NELL2: variants seen among roughly 807,000 people sequenced by gnomAD.
NELL2 encodes protein kinase C-binding protein NELL2.
NELL2 carries 41 observed loss-of-function variants against 109.6 expected under a neutral mutation model. The ratio of observed to expected loss-of-function variants is 0.37; its 90% CI spans 0.29 to 0.49. NELL2 has a LOEUF of 0.49. Ranked by LOEUF, NELL2 falls within the 20% of genes least tolerant of loss-of-function variation. The probability of loss-of-function intolerance (pLI) is 0.98; values close to 1 mark genes in which losing one functional copy is unlikely to be tolerated. For synonymous variants in NELL2, 355 were observed against 344.7 expected, an observed-to-expected ratio of 1.03 and a Z score of -0.33; for missense variants, 900 against 1,008.3, an observed-to-expected ratio of 0.89 and a Z score of 1.45.
Position 44,665,535 on chromosome 12 carries a change from TA to T in NELL2, c.1392del (p.Phe464LeufsTer314). 1 of 1,613,652 alleles carries T rather than the reference TA, an allele frequency of 6.2e-7. No individual in the cohort carries two copies. Among genetic ancestry groups the T allele is most frequent in the Non-Finnish European group, 8.5e-7 (1 of 1,179,560 alleles). On this transcript the variant is annotated frameshift_variant, in exon 13 of 20. Transcript: ENST00000429094. LOFTEE classifies it high-confidence loss of function. ...ATGTATCCAGTTTTGCAGATGCACATAAAAGAACCCGGGGTGTTGACACACA... is the reference window on the plus strand; with the variant it reads ...ATGTATCCAGTTTTGCAGATGCACATAAAGAACCCGGGGTGTTGACACACA... ...NTMCVNTPGS[F>X]MCICKTGYIR... is the part of the protein sequence containing the mutation.
At chr12:44,734,323 C>G (rs951559297) in intron 9 of NELL2, among the ~76,000 whole-genome samples, 8 of 151,848 alleles carry the variant, frequency 5.3e-5, no homozygotes, top group African/African-American at 1.9e-4. Context: ...TATTTTACTG[C>G]TCTTTCACTT....
intron 15 of NELL2, among the ~76,000 whole-genome samples, chr12:44,555,285 C>T (rs1229024039): frequency 6.6e-6 from 1 of 152,142 alleles, no homozygotes; most frequent in Non-Finnish European, 1.5e-5. Flanking sequence ...GAATACAGTG[C>T]TTACAGGTTC....
At chr12:44,636,767 G>C (rs1246229248) in intron 13 of NELL2, among the ~76,000 whole-genome samples, 2 of 152,100 alleles carry the variant, frequency 1.3e-5, no homozygotes, top group African/African-American at 4.8e-5. Flanking sequence ...GTCTCTGCCA[G>C]GTTTTGGTAT....
chr12:44,846,646 T>G (rs1944379068), intron 2 of NELL2, among the ~76,000 whole-genome samples: 1 of 152,194 alleles, frequency 6.6e-6, no homozygotes, highest in South Asian at 2.1e-4. Flanking sequence ...ATTATGATAT[T>G]CCATTGTAAG....
At chr12:44,739,573 G>T (rs1758429352) in intron 9 of NELL2, among the ~76,000 whole-genome samples, 1 of 152,112 alleles carries the variant, frequency 6.6e-6, no homozygotes, top group South Asian at 2.1e-4. Flanking sequence ...TTATATTATA[G>T]AAAATTCAAA....
At chr12:44,611,218 T>C (rs1020259713) in intron 13 of NELL2, among the ~76,000 whole-genome samples, 5 of 151,966 alleles carry the variant, frequency 3.3e-5, no homozygotes, top group African/African-American at 1.2e-4. Context: ...TTGCAAGAAA[T>C]AGAGAGGGGA....
intron 12 of NELL2, among the ~76,000 whole-genome samples, chr12:44,674,530 C>T (rs1290868268): frequency 4.6e-5 from 7 of 152,088 alleles, no homozygotes; most frequent in Admixed American, 3.3e-4. Context: ...AATAAATAAT[C>T]CATTTAATTA....
chr12:44,722,228 T>C (rs1371176942), intron 9 of NELL2, among the ~76,000 whole-genome samples: 1 of 151,966 alleles, frequency 6.6e-6, no homozygotes, highest in Non-Finnish European at 1.5e-5. Context: ...CAGGTTGGAG[T>C]GCTGTGGCAC....
chr12:44,784,862 G>A (rs1412877749), intron 3 of NELL2, among the ~76,000 whole-genome samples: 1 of 152,090 alleles, frequency 6.6e-6, no homozygotes, highest in Non-Finnish European at 1.5e-5. Flanking sequence ...CAATAAACTA[G>A]GTATGGATGG....
intron 15 of NELL2, among the ~76,000 whole-genome samples, chr12:44,557,468 C>T (rs530004716): frequency 6.6e-6 from 1 of 151,952 alleles, no homozygotes; most frequent in South Asian, 2.1e-4. Flanking sequence ...CTGAAGAGGA[C>T]AAATAAAGAT....
chr12:44,915,086 C>T (rs188559116), upstream of NELL2, among the ~76,000 whole-genome samples: 706 of 152,188 alleles, frequency 4.6e-3, 2 homozygotes, highest in Non-Finnish European at 6.8e-3. Flanking sequence ...CTCCTGACCT[C>T]GTGATCCGCC....
At chr12:44,840,888 G>GA (rs1944206880) in intron 2 of NELL2, among the ~76,000 whole-genome samples, 1 of 152,130 alleles carries the variant, frequency 6.6e-6, no homozygotes. Flanking sequence ...TTAAAATGCT[G>GA]AAAATGTTTT....
At chr12:44,743,449 C>T (rs1250187389) in intron 9 of NELL2, among the ~76,000 whole-genome samples, 2 of 152,118 alleles carry the variant, frequency 1.3e-5, no homozygotes, top group Non-Finnish European at 2.9e-5. Flanking sequence ...TCACACATAA[C>T]AATATTAACT....
chr12:44,579,325 T>A (rs967058885), intron 15 of NELL2, among the ~76,000 whole-genome samples: 4 of 152,222 alleles, frequency 2.6e-5, no homozygotes, highest in African/African-American at 9.6e-5. Flanking sequence ...GAGATCAGAT[T>A]ATGTTCCCCC....
chr12:44,808,416 T>C (rs1427561595), intron 3 of NELL2, among the ~76,000 whole-genome samples: 1 of 152,006 alleles, frequency 6.6e-6, no homozygotes, highest in African/African-American at 2.4e-5. Context: ...AGAATATATA[T>C]TGTAACTTTC....
At chr12:44,518,738 T>C (rs1057166862) in intron 19 of NELL2, among the ~76,000 whole-genome samples, 5 of 152,166 alleles carry the variant, frequency 3.3e-5, no homozygotes, top group Non-Finnish European at 7.4e-5. Flanking sequence ...TCAACTCTAT[T>C]TGGTAATTAA....
At chr12:44,558,235 C>T (rs1283654464) in intron 15 of NELL2, among the ~76,000 whole-genome samples, 1 of 152,134 alleles carries the variant, frequency 6.6e-6, no homozygotes, top group African/African-American at 2.4e-5. Context: ...AATGGATAAT[C>T]GATTGAGCTC....
chr12:44,590,715 G>T (rs559145095), intron 15 of NELL2, among the ~76,000 whole-genome samples: 1 of 152,198 alleles, frequency 6.6e-6, no homozygotes, highest in South Asian at 2.1e-4. Flanking sequence ...TGTAAGCAAA[G>T]ATTTTATGGG....
intron 1 of NELL2, among the ~76,000 whole-genome samples, chr12:44,912,867 C>A (rs1945795017): frequency 6.6e-6 from 1 of 152,152 alleles, no homozygotes; most frequent in Admixed American, 6.5e-5. Flanking sequence ...GGTAGCCAAC[C>A]TGCCTGGGTT....
Sources: allele counts gnomAD v4.1 joint callset (sites outside exome capture counted in the v4.1 genomes callset), GRCh38; gene constraint gnomAD v4.1.1; transcripts MANE v1.5; gene names NCBI Gene and HGNC (gene_info 2026-07-23, HGNC 2026-07-21).